The following SHANK2 variants were observed in gnomAD, a reference collection of about 807,000 sequenced individuals.
The protein encoded by SHANK2 is SH3 and multiple ankyrin repeat domains 2.
Under a neutral mutation model 133.7 loss-of-function variants are expected in SHANK2, and 43 were observed. The observed-to-expected ratio is 0.32, with a 90% CI of 0.25 to 0.41. SHANK2 has a LOEUF of 0.41. SHANK2 is among the 10% of genes least tolerant of loss of function. The probability of loss-of-function intolerance (pLI) is 1.00; values close to 1 mark genes in which losing one functional copy is unlikely to be tolerated. For missense variants in SHANK2, 1,994 were observed against 2,235.8 expected (o/e 0.89, Z 2.18); for synonymous variants, 1,017 against 952.8 (o/e 1.07, Z -1.24).
At chr11:70,526,332 ATTT>A in intron 17 of SHANK2, among the ~76,000 whole-genome samples, 1 of 152,236 alleles carries the variant, frequency 6.6e-6, no homozygotes, top group East Asian at 1.9e-4. Context: ...CAAGAGACTG[ATTT>A]CAGTGACTTT....
chr11:71,227,539 A>G (rs2135752367), intron 1 of SHANK2, among the ~76,000 whole-genome samples: 1 of 152,274 alleles, frequency 6.6e-6, no homozygotes, highest in South Asian at 2.1e-4. Context: ...CGTGTACCAA[A>G]CAACAGAGGA....
chr11:70,817,769 CTG>C (rs1283996813), intron 12 of SHANK2, among the ~76,000 whole-genome samples: 1 of 152,230 alleles, frequency 6.6e-6, no homozygotes, highest in East Asian at 1.9e-4. Context: ...GAGTCTCGCT[CTG>C]TCACTCAGGC....
At chr11:70,924,950 C>T (rs1344654768) in intron 10 of SHANK2, among the ~76,000 whole-genome samples, 3 of 152,194 alleles carry the variant, frequency 2.0e-5, no homozygotes, top group African/African-American at 7.2e-5. Context: ...CACCAGGACC[C>T]TCCCTTCCCA....
chr11:70,493,980 C>T (rs1474667132), intron 21 of SHANK2, among the ~76,000 whole-genome samples: 9 of 152,196 alleles, frequency 5.9e-5, no homozygotes, highest in African/African-American at 1.7e-4. Flanking sequence ...CAGCTTCTCA[C>T]GGGGAGCTGA....
intron 3 of SHANK2, among the ~76,000 whole-genome samples, chr11:71,137,563 C>T (rs568497425): frequency 1.9e-4 from 29 of 151,952 alleles, no homozygotes; most frequent in African/African-American, 6.0e-4. Context: ...TGCAGGGAGC[C>T]GCTAACAGAA....
chr11:70,760,887 G>T (rs1946983179), intron 14 of SHANK2, among the ~76,000 whole-genome samples: 1 of 152,214 alleles, frequency 6.6e-6, no homozygotes, highest in Admixed American at 6.5e-5. Context: ...AGGATGAGAA[G>T]AGCCAGCAGG....
chr11:70,468,686 T>C lies in SHANK2; in HGVS notation c.*4183A>G, dbSNP rs2058562358. 6.6e-6 allele frequency: 1 copy of C among 152,110 alleles called. No homozygotes were observed. The highest frequency in any genetic ancestry group is 2.4e-5 in the African/African-American group (1 of 41,414). The allele number at this position is 152,110 out of a possible 1,614,324, so 9.4% of individuals were successfully genotyped here. The stretch of plus-strand genomic sequence containing the variant: ...GGTGCCAAGGTTTGGGAGAAACTAT[T>C]GGATGGTGAAGCGGGAGAGCTTGAG... On this transcript the variant is annotated 3_prime_UTR_variant, in exon 26 of 26. Transcript: ENST00000601538.
At chr11:70,518,396 T>G (rs1481571128) in intron 17 of SHANK2, among the ~76,000 whole-genome samples, 13 of 152,320 alleles carry the variant, frequency 8.5e-5, no homozygotes, top group African/African-American at 2.9e-4. Flanking sequence ...AATGCCATTC[T>G]CATGCCTAAA....
At chr11:70,844,483 A>C (rs186952867) in intron 11 of SHANK2, among the ~76,000 whole-genome samples, 1 of 152,166 alleles carries the variant, frequency 6.6e-6, no homozygotes, top group African/African-American at 2.4e-5. Flanking sequence ...CACTGGAACC[A>C]TGGGGTTTGG....
chr11:71,121,020 T>C (rs1952075685), intron 3 of SHANK2, among the ~76,000 whole-genome samples: 1 of 152,252 alleles, frequency 6.6e-6, no homozygotes, highest in African/African-American at 2.4e-5. Flanking sequence ...GCTGTGTCTG[T>C]GCAGCACGGG....
chr11:70,870,093 T>G (rs1590779704), intron 11 of SHANK2, among the ~76,000 whole-genome samples: 1 of 152,068 alleles, frequency 6.6e-6, no homozygotes, highest in African/African-American at 2.4e-5. Flanking sequence ...GGGTCCTAAA[T>G]CCAATAATTA....
rs1341633311 is a variant in SHANK2 at position 70,569,440 on chromosome 11, A to C, written c.2062-66509T>G. On this transcript the variant is annotated intron_variant, in intron 17 of 25. Transcript: ENST00000601538. The surrounding 1 kb of genome is among the most constrained non-coding windows in gnomAD (Gnocchi z 5.1). ...GGTCCTGAGGGAGAAGGCGGCTCGTAGGCTGCTGTGCTGGGCAGAGGGTGG... is the reference window on the plus strand; with the variant it reads ...GGTCCTGAGGGAGAAGGCGGCTCGTCGGCTGCTGTGCTGGGCAGAGGGTGG... Among the ~76,000 whole-genome samples, 1 of 152,174 alleles carries C rather than the reference A, an allele frequency of 6.6e-6. No individual in the cohort carries two copies. Among genetic ancestry groups the C allele is most frequent in the African/African-American group, 2.4e-5 (1 of 41,438 alleles).
intron 17 of SHANK2, among the ~76,000 whole-genome samples, chr11:70,601,371 C>T (rs1338062721): frequency 6.6e-6 from 1 of 152,124 alleles, no homozygotes; most frequent in African/African-American, 2.4e-5. Context: ...AGGCGCATGC[C>T]ACCACACCCA....
chr11:70,865,192 G>A (rs1396577432), intron 11 of SHANK2: 1 of 152,148 alleles, frequency 6.6e-6, no homozygotes, highest in African/African-American at 2.4e-5. Flanking sequence ...CCATGGAGTG[G>A]GGTTCAAGGG....
chr11:70,764,507 T>TTCTATCCA (rs1947075011), intron 14 of SHANK2, among the ~76,000 whole-genome samples: 1 of 136,896 alleles, frequency 7.3e-6, no homozygotes, highest in South Asian at 2.5e-4. Flanking sequence ...CCCCTCTCTC[T>TTCTATCCA]TCTATCCATC....
intron 10 of SHANK2, among the ~76,000 whole-genome samples, chr11:70,927,390 C>T (rs1180277084): frequency 1.3e-5 from 2 of 152,036 alleles, no homozygotes; most frequent in East Asian, 1.9e-4. Context: ...CCTGGTGTGA[C>T]GGACTTGAGA....
intron 10 of SHANK2, among the ~76,000 whole-genome samples, chr11:70,903,466 T>C (rs2135694561): frequency 7.2e-6 from 1 of 138,382 alleles, no homozygotes; most frequent in East Asian, 2.2e-4. Context: ...AGCATTATCT[T>C]AGCCTCAAGC....
At chr11:70,888,541 G>A (rs545037563) in intron 11 of SHANK2, among the ~76,000 whole-genome samples, 4 of 152,302 alleles carry the variant, frequency 2.6e-5, no homozygotes, top group Admixed American at 1.3e-4. Context: ...AGGGCCGAGC[G>A]CGGTGGTTCA....
In SHANK2 at chr11:70,678,496, T is replaced by A. The variant is rs1157015720; in HGVS notation, c.1854-16818A>T. On this transcript the variant is annotated intron_variant, in intron 15 of 25. Transcript: ENST00000601538. ...CTGCCTCTCCCTGCCTCTCCCTGCCTCTCGACCTGCTCATTTCCAGTCTGC... is the reference window on the plus strand; with the variant it reads ...CTGCCTCTCCCTGCCTCTCCCTGCCACTCGACCTGCTCATTTCCAGTCTGC... 2.0e-5 allele frequency among the ~76,000 whole-genome samples: 3 copies of A among 148,194 alleles called. No individual in the cohort carries two copies. In the East Asian group the frequency reaches 6.1e-4, roughly 30 times the overall value.
Sources: gnomAD v4.1 joint callset for allele counts (sites outside exome capture counted in the v4.1 genomes callset) on GRCh38, gnomAD v4.1.1 for gene constraint, Gnocchi (gnomAD v3.1) non-coding constraint, MANE v1.5 for transcripts, NCBI Gene and HGNC (gene_info 2026-07-23, HGNC 2026-07-21) for gene names.